RANBP2: variants seen among roughly 807,000 people sequenced by gnomAD.
RANBP2 encodes E3 SUMO-protein ligase RanBP2.
RANBP2 carries 57 observed loss-of-function variants against 303.6 expected under a neutral mutation model. The observed-to-expected ratio is 0.19, with a 90% CI of 0.15 to 0.23. RANBP2 has a LOEUF of 0.23. Ranked by LOEUF, RANBP2 falls within the 10% of genes least tolerant of loss-of-function variation. The probability of loss-of-function intolerance (pLI) is 1.00; values close to 1 mark genes in which losing one functional copy is unlikely to be tolerated. For synonymous variants in RANBP2, 1,167 were observed against 1,301.5 expected, an observed-to-expected ratio of 0.90 and a Z score of 2.23; for missense variants, 3,138 against 3,780.8, an observed-to-expected ratio of 0.83 and a Z score of 4.46.
At chr2:108,930,594 T>C in the RANBP2 span, among the ~76,000 whole-genome samples, 31 of 152,238 alleles carry the variant, frequency 2.0e-4, no homozygotes, top group Non-Finnish European at 4.4e-4. Context: ...CAGTGGCTTC[T>C]CAGAACACCG....
the RANBP2 span, among the ~76,000 whole-genome samples, chr2:109,721,899 C>T: frequency 6.6e-6 from 1 of 152,218 alleles, no homozygotes; most frequent in Non-Finnish European, 1.5e-5. Flanking sequence ...TAGGTGGGCT[C>T]TGGGTGGTCT....
At chr2:108,990,432 C>T in the RANBP2 span, among the ~76,000 whole-genome samples, 4 of 107,678 alleles carry the variant, frequency 3.7e-5, no homozygotes, top group African/African-American at 8.4e-5. Context: ...AGCGAGACTC[C>T]GTCTCAAAAA....
chr2:109,369,626 C>A, the RANBP2 span, among the ~76,000 whole-genome samples: 1 of 152,162 alleles, frequency 6.6e-6, no homozygotes, highest in Non-Finnish European at 1.5e-5. Context: ...CTGGTGGCCC[C>A]CACGCTCTAC....
At chr2:109,373,724 T>C in the RANBP2 span, among the ~76,000 whole-genome samples, 1 of 152,174 alleles carries the variant, frequency 6.6e-6, no homozygotes, top group South Asian at 2.1e-4. Context: ...GCACAGATTA[T>C]GCTGCTGTAA....
the RANBP2 span, among the ~76,000 whole-genome samples, chr2:109,156,618 G>T: frequency 1.3e-5 from 2 of 152,102 alleles, no homozygotes; most frequent in African/African-American, 4.8e-5. Flanking sequence ...GCTAATTTTT[G>T]TATTTTTAGT....
chr2:108,719,586 G>A lies in RANBP2; in HGVS notation c.-21G>A, dbSNP rs1408410145. 1.9e-6 allele frequency: 3 copies of A among 1,598,072 alleles called. No homozygotes were observed. Among genetic ancestry groups the A allele is most frequent in the Admixed American group, 3.5e-5 (2 of 57,606 alleles). ...CCTGAGCGCTGGTCTCACGCGCCTC[G>A]GGAGCCAGGTTGGCGGCGCGATGAG... On this transcript the variant is annotated 5_prime_UTR_variant, in exon 1 of 29. Transcript: ENST00000283195.
At chr2:109,150,426 C>G in the RANBP2 span, among the ~76,000 whole-genome samples, 1 of 152,160 alleles carries the variant, frequency 6.6e-6, no homozygotes, top group Non-Finnish European at 1.5e-5. Context: ...GAGCCTGGAA[C>G]TACTCTGCTC....
the RANBP2 span, among the ~76,000 whole-genome samples, chr2:108,813,262 A>AAAG: frequency 1.0e-4 from 15 of 150,246 alleles, no homozygotes; most frequent in Admixed American, 2.0e-4. Context: ...AAAAAAAAAA[A>AAAG]AAAAAAAAAA....
the RANBP2 span, among the ~76,000 whole-genome samples, chr2:108,867,113 GT>G: frequency 6.6e-6 from 1 of 152,036 alleles, no homozygotes; most frequent in Non-Finnish European, 1.5e-5. Flanking sequence ...GCTTAGCTAT[GT>G]TTTTATATAT....
chr2:109,244,235 G>A, the RANBP2 span, among the ~76,000 whole-genome samples: 1 of 152,158 alleles, frequency 6.6e-6, no homozygotes, highest in African/African-American at 2.4e-5. Context: ...CATGACGGGG[G>A]CATAAAACAT....
intron 25 of RANBP2, 92 bp from the exon 26 acceptor site, chr2:108,781,177 C>A: frequency 8.1e-7 from 1 of 1,234,136 alleles, no homozygotes; most frequent in Non-Finnish European, 1.2e-6. Flanking sequence ...CATATTACAT[C>A]ATCAGGAATT....
the RANBP2 span, among the ~76,000 whole-genome samples, chr2:108,821,074 G>T: frequency 1.3e-5 from 2 of 152,106 alleles, no homozygotes; most frequent in African/African-American, 2.4e-5. Flanking sequence ...GATATAATTT[G>T]TGGCCGGGTG....
chr2:109,301,320 T>C, the RANBP2 span, among the ~76,000 whole-genome samples: 2 of 133,272 alleles, frequency 1.5e-5, no homozygotes, highest in African/African-American at 6.5e-5. Flanking sequence ...GGGGGCGGGC[T>C]GTGTATCTGT....
At chr2:109,278,930 G>A in the RANBP2 span, among the ~76,000 whole-genome samples, 1 of 152,332 alleles carries the variant, frequency 6.6e-6, no homozygotes, top group Non-Finnish European at 1.5e-5. Context: ...GAGGCTCCGT[G>A]AGAATGTCTA....
the RANBP2 span, among the ~76,000 whole-genome samples, chr2:109,526,603 C>A: frequency 1.3e-5 from 2 of 152,188 alleles, no homozygotes; most frequent in Non-Finnish European, 2.9e-5. Context: ...TGAGCCACCA[C>A]GCCCGGCTCA....
At chr2:109,175,058 T>C in the RANBP2 span, among the ~76,000 whole-genome samples, 1 of 151,816 alleles carries the variant, frequency 6.6e-6, no homozygotes, top group South Asian at 2.1e-4. Context: ...CACAGCAAAA[T>C]CCCATATTTA....
At chr2:108,847,240 C>T in the RANBP2 span, among the ~76,000 whole-genome samples, 72 of 152,240 alleles carry the variant, frequency 4.7e-4, no homozygotes, top group African/African-American at 1.7e-3. Context: ...TTTCCACTAG[C>T]GAATGTGTTG....
At chr2:109,129,064 T>A in the RANBP2 span, 2 of 383,568 alleles carry the variant, frequency 5.2e-6, no homozygotes, top group African/African-American at 4.4e-5. Context: ...CAGGGGCGCA[T>A]GGAGGTGCCG....
the RANBP2 span, among the ~76,000 whole-genome samples, chr2:109,431,974 AGGTCTCTTCCACCTCT>A: frequency 6.6e-6 from 1 of 152,224 alleles, no homozygotes; most frequent in Non-Finnish European, 1.5e-5. Flanking sequence ...AGGGCCTCTG[AGGTCTCTTCCACCTCT>A]GGTTGATTGG....
Sources: gnomAD v4.1 joint callset for allele counts (sites outside exome capture counted in the v4.1 genomes callset) on GRCh38, gnomAD v4.1.1 for gene constraint, MANE v1.5 for transcripts, NCBI Gene and HGNC (gene_info 2026-07-23, HGNC 2026-07-21) for gene names.